Variants in USP6NL observed in about 807,000 individuals in gnomAD.
USP6NL encodes USP6 N-terminal like.
USP6NL carries 26 observed loss-of-function variants against 61.9 expected under a neutral mutation model. The ratio of observed to expected loss-of-function variants is 0.42; its 90% CI spans 0.31 to 0.58. The LOEUF (loss-of-function observed/expected upper bound fraction) is 0.58, where lower values mean the gene tolerates loss of function less well. Among genes scored for constraint, USP6NL ranks in the 20% least tolerant of loss-of-function variants. The probability of loss-of-function intolerance (pLI) is 0.16; values close to 1 mark genes in which losing one functional copy is unlikely to be tolerated. For missense variants in USP6NL, 1,114 were observed against 1,034.3 expected (o/e 1.08, Z -1.06); for synonymous variants, 432 against 390.1 (o/e 1.11, Z -1.27).
rs142182791 is a variant in USP6NL, at chr10:11,544,735, C to A, written c.5-17168G>T. On this transcript the variant is annotated intron_variant, in intron 2 of 14. Coordinates refer to ENST00000609104, the MANE Select transcript of USP6NL (RefSeq NM_014688.5). The stretch of plus-strand genomic sequence containing the variant: ...AACTCCTTACCTCACGTGATCCACC[C>A]GCCTCGGCCTCCCAAAGTGCTGGGA... Among the ~76,000 whole-genome samples the A allele has an allele frequency of 2.6e-5, 4 of 151,726 alleles. No individual in the cohort carries two copies. The East Asian group carries it at 7.7e-4, about 29-fold the overall frequency.
chr10:11,487,360 A>T lies in USP6NL; in HGVS notation c.665-1449T>A, dbSNP rs1039683764. Among the ~76,000 whole-genome samples the T allele has an allele frequency of 6.6e-6, 1 of 152,252 alleles. No homozygotes were observed. On this transcript the variant is annotated intron_variant, in intron 10 of 14. Transcript: ENST00000609104. The surrounding 1 kb of genome is among the most constrained non-coding windows in gnomAD (Gnocchi z 4.2). The stretch of plus-strand genomic sequence containing the variant: ...AACAAACATCTCTAAGTATAAACTG[A>T]CCCTTAATAATGAGCCAAACTACAT...
At chr10:11,545,463 C>G (rs1209064208) in intron 2 of USP6NL, among the ~76,000 whole-genome samples, 1 of 152,218 alleles carries the variant, frequency 6.6e-6, no homozygotes, top group African/African-American at 2.4e-5. Context: ...CCGTGTTCCA[C>G]CTTCTCTACG....
At chr10:11,549,276 T>C (rs1338716613) in intron 2 of USP6NL, among the ~76,000 whole-genome samples, 1 of 152,142 alleles carries the variant, frequency 6.6e-6, no homozygotes. Flanking sequence ...CAAAAACAGA[T>C]GGAAGCAAAA....
intron 7 of USP6NL, among the ~76,000 whole-genome samples, chr10:11,493,718 G>A (rs1287974950): frequency 6.6e-6 from 1 of 152,208 alleles, no homozygotes; most frequent in Non-Finnish European, 1.5e-5. Flanking sequence ...AGTAGAGTAG[G>A]TGTTCCACCA....
chr10:11,471,458 CA>C (rs1832746425), intron 14 of USP6NL, among the ~76,000 whole-genome samples: 1 of 152,132 alleles, frequency 6.6e-6, no homozygotes, highest in Admixed American at 6.5e-5. Context: ...CCATTTGACC[CA>C]GCCATCCCAT....
chr10:11,519,561 T>C (rs957821534), intron 4 of USP6NL, among the ~76,000 whole-genome samples: 4 of 150,752 alleles, frequency 2.7e-5, no homozygotes, highest in Admixed American at 6.6e-5. Flanking sequence ...ACCCGGGAGG[T>C]GGAGGTTGCA....
In USP6NL at chr10:11,596,016, G is replaced by A. The variant is rs578005146; in HGVS notation, c.4+1615C>T. ...ATTCCTCCCCTCTGCCTTCATCCTCGCAAGACTTTGATCTTTGTTTTCTAG... is the reference window on the plus strand; with the variant it reads ...ATTCCTCCCCTCTGCCTTCATCCTCACAAGACTTTGATCTTTGTTTTCTAG... On this transcript the variant is annotated intron_variant, in intron 2 of 14. Transcript: ENST00000609104. This position sits in a 1 kb window ranked among gnomAD's most constrained non-coding sequence, Gnocchi z 4.1. 2.0e-5 allele frequency among the ~76,000 whole-genome samples: 3 copies of A among 152,150 alleles called. No individual in the cohort carries two copies. The highest frequency in any genetic ancestry group is 3.9e-4 in the East Asian group (2 of 5,172).
At position 11,606,115 on chromosome 10, in the gene USP6NL, G is replaced by T. The variant is rs535301718; in HGVS notation, c.-84+5328C>A. ...ATCATCTCAAAGCCAAAGACAAAATGAAAACCATAAAAACAGCCTGAGAAA... is the reference window on the plus strand; with the variant it reads ...ATCATCTCAAAGCCAAAGACAAAATTAAAACCATAAAAACAGCCTGAGAAA... On this transcript the variant is annotated intron_variant, in intron 1 of 14. Transcript: ENST00000609104. Among the ~76,000 whole-genome samples the T allele has an allele frequency of 9.2e-5, 14 of 152,200 alleles. No homozygotes were observed. In the South Asian group the frequency reaches 2.9e-3, roughly 32 times the overall value.
In USP6NL at chr10:11,462,407, TTC is replaced by T. The variant is rs756340696; in HGVS notation, c.*32_*33del. The T allele has an allele frequency of 1.3e-6, 2 of 1,592,172 alleles. No homozygotes were observed. Among genetic ancestry groups the T allele is most frequent in the African/African-American group, 1.3e-5 (1 of 74,116 alleles). On this transcript the variant is annotated 3_prime_UTR_variant, in exon 15 of 15. Transcript: ENST00000609104. The stretch of plus-strand genomic sequence containing the variant: ...CATAGCAATGTAGGTTTCACGTGGT[TTC>T]TCTCTCGTCTTTAGCAAGTACACGT...
chr10:11,597,670 T>A lies in USP6NL; in HGVS notation c.-36A>T, dbSNP rs532935814. ...GGGTCTGAATGTTGTCCCAATCAGA[T>A]ATTAAACCAAAATCTGCTGTCCAAG... On this transcript the variant is annotated 5_prime_UTR_variant, in exon 2 of 15. Transcript: ENST00000609104. The surrounding 1 kb of genome is among the most constrained non-coding windows in gnomAD (Gnocchi z 4.6). 1.8e-5 allele frequency: 28 copies of A among 1,547,164 alleles called. No individual in the cohort carries two copies. The East Asian group carries it at 6.8e-4, about 38-fold the overall frequency.
chr10:11,500,515 C>A (rs1296511907), intron 7 of USP6NL, among the ~76,000 whole-genome samples: 1 of 151,880 alleles, frequency 6.6e-6, no homozygotes, highest in Non-Finnish European at 1.5e-5. Flanking sequence ...AAGGGTATAG[C>A]TACGAGATGA....
chr10:11,566,560 A>G lies in USP6NL; in HGVS notation c.4+31071T>C, dbSNP rs141519593. Among the ~76,000 whole-genome samples the G allele has an allele frequency of 3.2e-3, 491 of 152,348 alleles. 2 individuals are homozygous for G. The highest frequency in any genetic ancestry group is 0.011 in the African/African-American group (450 of 41,578). The stretch of plus-strand genomic sequence containing the variant: ...GAGAAACTAAGTTGCTCAAGGTCAC[A>G]AGACTAGTAAGTAGTGGATTCGAGA... On this transcript the variant is annotated intron_variant, in intron 2 of 14. Transcript: ENST00000609104.
intron 2 of USP6NL, among the ~76,000 whole-genome samples, chr10:11,581,464 C>A (rs1837771117): frequency 6.6e-6 from 1 of 152,208 alleles, no homozygotes; most frequent in South Asian, 2.1e-4. Context: ...GGCAATGATT[C>A]AGACTTTTTT....
intron 2 of USP6NL, among the ~76,000 whole-genome samples, chr10:11,576,923 T>C (rs1183599882): frequency 1.3e-5 from 2 of 152,232 alleles, no homozygotes; most frequent in African/African-American, 4.8e-5. Context: ...TTGAATTTCA[T>C]TGGTCTATAT....
rs531000592 is a variant in USP6NL, at chr10:11,541,456, T to C, written c.5-13889A>G. 9.9e-5 allele frequency among the ~76,000 whole-genome samples: 15 copies of C among 151,690 alleles called. No homozygotes were observed. In the South Asian group the frequency reaches 2.9e-3, roughly 30 times the overall value. On this transcript the variant is annotated intron_variant, in intron 2 of 14. Transcript: ENST00000609104. The stretch of plus-strand genomic sequence containing the variant: ...TTGCCCATTAAACAAATGAGAAAAT[T>C]GGTAGGTTAACTGCAAAGATCACAC...
chr10:11,582,972 A>C (rs1463717329), intron 2 of USP6NL, among the ~76,000 whole-genome samples: 1 of 149,536 alleles, frequency 6.7e-6, no homozygotes, highest in Non-Finnish European at 1.5e-5. Flanking sequence ...GCTGTTTTAC[A>C]GGGGTAATCA....
chr10:11,489,302 A>G lies in USP6NL; in HGVS notation c.544-80T>C, dbSNP rs927661443. 1.3e-6 allele frequency: 2 copies of G among 1,550,924 alleles called. No homozygotes were observed. Among genetic ancestry groups the G allele is most frequent in the Non-Finnish European group, 1.7e-6 (2 of 1,144,138 alleles). On this transcript the variant is annotated intron_variant, in intron 9 of 14. Transcript: ENST00000609104. The surrounding 1 kb of genome is among the most constrained non-coding windows in gnomAD (Gnocchi z 5.7). The stretch of plus-strand genomic sequence containing the variant: ...ATGTACAGAGAAAAAGCTACTCTAT[A>G]AAAACCAGAAAATGCCTACACACAT...
chr10:11,488,951 AAAG>A (rs1285446146), intron 10 of USP6NL, 148 bp downstream of exon 10: 2 of 1,019,098 alleles, frequency 2.0e-6, no homozygotes, highest in African/African-American at 1.6e-5. Context: ...ATGAAAAATG[AAAG>A]AAGAAACTAG....
chr10:11,471,777 G>C (rs1268097722), intron 14 of USP6NL, among the ~76,000 whole-genome samples: 2 of 142,696 alleles, frequency 1.4e-5, no homozygotes, highest in African/African-American at 5.2e-5. Context: ...ACTGAACAAT[G>C]AAAACACTTG....
Sources: allele counts gnomAD v4.1 joint callset (sites outside exome capture counted in the v4.1 genomes callset), GRCh38; gene constraint gnomAD v4.1.1; non-coding constraint Gnocchi (gnomAD v3.1); transcripts MANE v1.5; gene names NCBI Gene and HGNC (gene_info 2026-07-23, HGNC 2026-07-21).